MBD5: variants seen among roughly 807,000 people sequenced by gnomAD.
MBD5 encodes methyl-CpG-binding domain protein 5.
Under a neutral mutation model 117.3 loss-of-function variants are expected in MBD5, and 13 were observed. The ratio of observed to expected loss-of-function variants is 0.11; its 90% CI spans 0.07 to 0.18. MBD5 has a LOEUF of 0.18. Among genes scored for constraint, MBD5 ranks in the 10% least tolerant of loss-of-function variants. MBD5 has a pLI of 1.00. For synonymous variants in MBD5, 727 were observed against 766.4 expected (o/e 0.95, Z 0.85); for missense variants, 1,879 against 2,093.8 (o/e 0.90, Z 2.00).
At chr2:148,046,229 A>G (rs1229757623) in intron 1 of MBD5, among the ~76,000 whole-genome samples, 13 of 151,764 alleles carry the variant, frequency 8.6e-5, no homozygotes, top group Non-Finnish European at 2.9e-5. Flanking sequence ...TGATCCGCCC[A>G]CCTTGGCCTC....
At chr2:148,086,046 A>C (rs183418446) in intron 1 of MBD5, among the ~76,000 whole-genome samples, 1 of 152,250 alleles carries the variant, frequency 6.6e-6, no homozygotes, top group African/African-American at 2.4e-5. Flanking sequence ...CTTATATTTC[A>C]CTACAGAGAT....
intron 3 of MBD5, chr2:148,295,766 C>A: frequency 6.0e-6 from 1 of 166,676 alleles, no homozygotes; most frequent in South Asian, 1.7e-4. Flanking sequence ...GCAACAAGGT[C>A]GTGTATTCTG....
intron 3 of MBD5, among the ~76,000 whole-genome samples, chr2:148,269,816 G>T (rs1700942671): frequency 6.7e-6 from 1 of 150,260 alleles, no homozygotes; most frequent in Admixed American, 6.6e-5. Context: ...TCTCATTCTG[G>T]GATTCCTTTT....
At chr2:148,447,420 A>G (rs1706595029) in intron 4 of MBD5, 1 of 152,174 alleles carries the variant, frequency 6.6e-6, no homozygotes, top group Non-Finnish European at 1.5e-5. Context: ...CTGGTAATGC[A>G]TAATGATCTA....
intron 4 of MBD5, among the ~76,000 whole-genome samples, chr2:148,352,638 A>T (rs1703273788): frequency 6.6e-6 from 1 of 152,054 alleles, no homozygotes; most frequent in Non-Finnish European, 1.5e-5. Context: ...AACTTTGGGG[A>T]TTGACTATTT....
rs200028504 is a variant in MBD5 at position 148,171,282 on chromosome 2, AC to A, written c.-924-7416del. ...CAACAACGCATTAAAAATATCATCCACCATGATCCAGTGTTATTTATCCCTG... is the reference window on the plus strand; with the variant it reads ...CAACAACGCATTAAAAATATCATCCACATGATCCAGTGTTATTTATCCCTG... On this transcript the variant is annotated intron_variant, in intron 1 of 13. Transcript: ENST00000642680. 7.4e-3 allele frequency among the ~76,000 whole-genome samples: 1,128 copies of A among 152,306 alleles called. 11 individuals carry two copies. Among genetic ancestry groups the A allele is most frequent in the African/African-American group, 0.025 (1,052 of 41,544 alleles).
At chr2:148,293,454 G>A (rs1325327415) in intron 3 of MBD5, among the ~76,000 whole-genome samples, 1 of 152,112 alleles carries the variant, frequency 6.6e-6, no homozygotes, top group Non-Finnish European at 1.5e-5. Flanking sequence ...TCCATGATGT[G>A]TTTATTTCAC....
chr2:148,503,949 A>T (rs1435573248), intron 12 of MBD5, among the ~76,000 whole-genome samples: 1 of 152,232 alleles, frequency 6.6e-6, no homozygotes, highest in Non-Finnish European at 1.5e-5. Context: ...CTACAGTGAA[A>T]CATGCCAGTT....
chr2:148,485,556 A>G, intron 9 of MBD5, 186 bp from the exon 10 acceptor site: 1 of 599,804 alleles, frequency 1.7e-6, no homozygotes, highest in Non-Finnish European at 2.9e-6. Flanking sequence ...ATTATACAAG[A>G]TAAAACTAAA....
intron 1 of MBD5, among the ~76,000 whole-genome samples, chr2:148,142,826 G>A (rs140628650): frequency 1.6e-4 from 24 of 152,170 alleles, no homozygotes; most frequent in African/African-American, 5.3e-4. Context: ...CAGTGGTGTC[G>A]GAAGAGTATA....
chr2:148,196,865 G>A (rs1321469674), intron 2 of MBD5, among the ~76,000 whole-genome samples: 1 of 152,036 alleles, frequency 6.6e-6, no homozygotes, highest in Non-Finnish European at 1.5e-5. Context: ...GTGTGTGTGT[G>A]TGTATAAACA....
intron 1 of MBD5, among the ~76,000 whole-genome samples, chr2:148,075,062 G>A (rs1290047732): frequency 6.6e-6 from 1 of 152,154 alleles, no homozygotes; most frequent in Admixed American, 6.5e-5. Context: ...TATAGCAGCA[G>A]TAATAGAGAT....
intron 3 of MBD5, among the ~76,000 whole-genome samples, chr2:148,338,451 G>C (rs923513587): frequency 8.5e-5 from 13 of 152,150 alleles, no homozygotes; most frequent in African/African-American, 3.1e-4. Flanking sequence ...ATGGTGTCAG[G>C]TTCTAGGTAT....
At chr2:148,426,841 AACC>A (rs1386789163) in intron 4 of MBD5, among the ~76,000 whole-genome samples, 1 of 152,212 alleles carries the variant, frequency 6.6e-6, no homozygotes, top group Non-Finnish European at 1.5e-5. Flanking sequence ...CAGCAAAAGA[AACC>A]ACCATCAGAG....
chr2:148,272,579 C>G (rs534909038), intron 3 of MBD5, among the ~76,000 whole-genome samples: 3 of 152,142 alleles, frequency 2.0e-5, no homozygotes, highest in African/African-American at 7.2e-5. Flanking sequence ...ATTTGTATGT[C>G]TTCGTTTGAG....
intron 4 of MBD5, among the ~76,000 whole-genome samples, chr2:148,376,974 A>G (rs1704010225): frequency 6.7e-6 from 1 of 148,156 alleles, no homozygotes; most frequent in Admixed American, 6.9e-5. Context: ...GTAATGTAGA[A>G]TTTAAAGGAT....
At chr2:148,491,997 G>A (rs187288987) in intron 11 of MBD5, among the ~76,000 whole-genome samples, 1 of 151,762 alleles carries the variant, frequency 6.6e-6, no homozygotes, top group East Asian at 1.9e-4. Flanking sequence ...TCCCTTCCCT[G>A]GAAGCATTCT....
intron 1 of MBD5, among the ~76,000 whole-genome samples, chr2:148,070,450 G>A (rs746302689): frequency 5.3e-5 from 8 of 152,120 alleles, no homozygotes; most frequent in Non-Finnish European, 1.2e-4. Context: ...CATTAAGAGA[G>A]CCACTATAAA....
intron 4 of MBD5, among the ~76,000 whole-genome samples, chr2:148,345,316 CATATATAT>C (rs768048461): frequency 6.8e-6 from 1 of 146,356 alleles, no homozygotes; most frequent in East Asian, 2.0e-4. Flanking sequence ...TATACACACA[CATATATAT>C]ATATATGTAT....
Sources: gnomAD v4.1 joint callset for allele counts (sites outside exome capture counted in the v4.1 genomes callset) on GRCh38, gnomAD v4.1.1 for gene constraint, MANE v1.5 for transcripts, NCBI Gene and HGNC (gene_info 2026-07-23, HGNC 2026-07-21) for gene names.